Variants in INF2 observed in about 807,000 individuals in gnomAD.
The protein encoded by INF2 is inverted formin 2.
Under a neutral mutation model 123.5 loss-of-function variants are expected in INF2, and 43 were observed. The ratio of observed to expected loss-of-function variants is 0.35; its 90% CI spans 0.27 to 0.45. The LOEUF (loss-of-function observed/expected upper bound fraction) is 0.45. INF2 is among the 20% of genes least tolerant of loss of function. INF2 has a pLI of 1.00. For synonymous variants in INF2, 851 were observed against 745.0 expected, an observed-to-expected ratio of 1.14 and a Z score of -2.32; for missense variants, 1,453 against 1,682.7, an observed-to-expected ratio of 0.86 and a Z score of 2.39.
chr14:104,712,337 AG>A, intron 16 of INF2, 95 bp from the exon 17 acceptor site: 2 of 1,524,708 alleles, frequency 1.3e-6, no homozygotes, highest in Non-Finnish European at 1.8e-6. Flanking sequence ...CAGGGTGCAC[AG>A]TGGGGTGCCG....
rs140094707 is a variant in INF2, at chr14:104,704,131, C to T, written c.701+182C>T. ...AGGTCTCAGGCTAGAATCCAGCTCA[C>T]TGTCCCTGGCAGCTGCCCACAGAAA... On this transcript the variant is annotated intron_variant, in intron 5 of 22. Coordinates refer to ENST00000392634, the MANE Select transcript of INF2 (RefSeq NM_022489.4). 8.3e-4 allele frequency: 1,206 copies of T among 1,454,784 alleles called. 7 individuals are homozygous for T. The highest frequency in any genetic ancestry group is 4.8e-3 in the Middle Eastern group (19 of 3,970). 90.1% of individuals were successfully genotyped at this position (1,454,784 alleles called of 1,614,324 possible).
intron 22 of INF2, among the ~76,000 whole-genome samples, chr14:104,718,498 GACA>G (rs1890420402): frequency 6.6e-6 from 1 of 152,144 alleles, no homozygotes; most frequent in Admixed American, 6.5e-5. Flanking sequence ...CTGGGTCTCA[GACA>G]GGGGGTGGGG....
chr14:104,684,213 G>T lies in INF2; in HGVS notation c.-104+2631G>T. ...TCTGGACTCCCACCAGACAACTGAG[G>T]CAACCGAGAAGGAGGCTGGGGAGGG... On this transcript the variant is annotated intron_variant, in intron 1 of 2. Transcript: ENST00000674723. The surrounding 1 kb of genome is among the most constrained non-coding windows in gnomAD (Gnocchi z 5.0). The T allele has an allele frequency of 2.2e-6, 1 of 447,520 alleles. No individual in the cohort carries two copies. Among genetic ancestry groups the T allele is most frequent in the Non-Finnish European group, 4.5e-6 (1 of 220,958 alleles). The allele number at this position is 447,520 out of a possible 1,614,324, so 27.7% of individuals were successfully genotyped here. A position where few individuals can be genotyped will look rare whatever the true frequency, so the allele number is the denominator to read the frequency against.
chr14:104,715,896 AC>A (rs940215729), intron 22 of INF2: 42 of 456,074 alleles, frequency 9.2e-5, no homozygotes, highest in African/African-American at 8.0e-4. Flanking sequence ...GTACACTGCA[AC>A]CCCCCTCCTG....
chr14:104,715,614 G>A (rs1890264484), intron 22 of INF2: 1 of 595,678 alleles, frequency 1.7e-6, no homozygotes, highest in African/African-American at 1.9e-5. Context: ...AGGGCAGGTG[G>A]CAGGGCCAGC....
intron 1 of INF2, among the ~76,000 whole-genome samples, chr14:104,698,460 A>G (rs1040584971): frequency 1.3e-5 from 2 of 152,234 alleles, no homozygotes; most frequent in African/African-American, 4.8e-5. Context: ...TGGTTTTCTC[A>G]TATGGATAAT....
At chr14:104,716,086 G>A (rs911236342) in intron 22 of INF2, 6 of 397,818 alleles carry the variant, frequency 1.5e-5, no homozygotes, top group Non-Finnish European at 2.5e-5. Context: ...GGGTGGAGGA[G>A]GGGCTAGAGC....
intron 22 of INF2, among the ~76,000 whole-genome samples, 174 bp from the exon 23 acceptor site, chr14:104,718,621 A>C (rs1345199244): frequency 6.6e-6 from 1 of 152,280 alleles, no homozygotes; most frequent in Non-Finnish European, 1.5e-5. Flanking sequence ...CACCTAGATA[A>C]GTTGTGCTGC....
At chr14:104,697,597 G>A (rs1262726518) in intron 1 of INF2, among the ~76,000 whole-genome samples, 1 of 152,234 alleles carries the variant, frequency 6.6e-6, no homozygotes, top group African/African-American at 2.4e-5. Context: ...GGCTTCCCGA[G>A]AGTCAGTGCA....
chr14:104,701,497 G>C lies in INF2; in HGVS notation c.132G>C (p.Met44Ile). 1 of 1,604,826 alleles carries C rather than the reference G, an allele frequency of 6.2e-7. No homozygotes were observed. The highest frequency in any genetic ancestry group is 8.5e-7 in the Non-Finnish European group (1 of 1,176,232). The change falls in exon 2 of 23, where the codon ATG (methionine) becomes ATC (isoleucine). Residue 44 changes from methionine (M) to isoleucine (I), a missense_variant. By Grantham distance (10) the Met-to-Ile change is conservative. Around this residue, in one of 8 missense-constraint regions of INF2, gnomAD observed 6 missense variants for 25.1 expected, o/e 0.24. Transcript: ENST00000392634. Reference protein sequence around the residue: ...DPELCIRLLQMPSVVNYSGLR... With the variant: ...DPELCIRLLQIPSVVNYSGLR... ...AGCTGTGCATCCGGCTGCTCCAGATGCCCTCTGTGGTCAACTACTCCGGCC... is the reference window on the plus strand; with the variant it reads ...AGCTGTGCATCCGGCTGCTCCAGATCCCCTCTGTGGTCAACTACTCCGGCC...
chr14:104,718,991 T>C lies in INF2; in HGVS notation c.*198T>C, dbSNP rs1360782066. The C allele has an allele frequency of 7.7e-7, 1 of 1,305,878 alleles. No homozygotes were observed. Among genetic ancestry groups the C allele is most frequent in the Non-Finnish European group, 1.0e-6 (1 of 990,190 alleles). The allele number at this position is 1,305,878 out of a possible 1,614,324, so 80.9% of individuals were successfully genotyped here. On this transcript the variant is annotated 3_prime_UTR_variant, in exon 23 of 23. Transcript: ENST00000392634. ...GGGAACCCGACAGGCACCAGTGCCC[T>C]GCCAGGCCTGGTGCCCTCCTGGACC... is the stretch of plus-strand genomic sequence containing the variant.
upstream of INF2, among the ~76,000 whole-genome samples, chr14:104,688,498 T>G (rs1466243626): frequency 6.6e-6 from 1 of 152,206 alleles, no homozygotes; most frequent in Non-Finnish European, 1.5e-5. Flanking sequence ...CAGCAGGCCC[T>G]CCGGAGAGAG....
In INF2 at chr14:104,708,388, A is replaced by G. The variant is rs200316139; in HGVS notation, c.1736-48A>G. On this transcript the variant is annotated intron_variant, in intron 8 of 22. Coordinates refer to ENST00000392634, the MANE Select transcript of INF2 (RefSeq NM_022489.4). The stretch of plus-strand genomic sequence containing the variant: ...TCCAGCCCCTGCCTGCTGGATCGCC[A>G]GGCCCCGGGGCTGCGAGAGCCTCAC... 2.1e-4 allele frequency: 330 copies of G among 1,601,600 alleles called. 1 individual carries two copies. In the African/African-American group the frequency reaches 3.7e-3, roughly 18 times the overall value.
intron 1 of INF2, among the ~76,000 whole-genome samples, chr14:104,700,546 G>A (rs1288504068): frequency 6.6e-6 from 1 of 152,196 alleles, no homozygotes; most frequent in Admixed American, 6.5e-5. Context: ...TGGGGACAGC[G>A]GCTGGGGGGA....
At position 104,707,546 on chromosome 14, in the gene INF2, C is replaced by A. The variant is rs1208616690; in HGVS notation, c.1279C>A (p.Pro427Thr). ...QASTPPPPPP[P>T]PLLPGSSAEP... ...GTCCACCCCACCCCCACCCCCACCC[C>A]CACCCCTGCTCCCTGGTTCCAGTGC... Residue 427 changes from proline to threonine, a missense_variant, in exon 8 of 23, where the codon CCA becomes ACA. Around this residue, in one of 8 missense-constraint regions of INF2, gnomAD observed 374 missense variants for 303.7 expected, o/e 1.23. Transcript: ENST00000392634. The A allele has an allele frequency of 1.6e-5, 21 of 1,305,422 alleles. No individual in the cohort carries two copies. Among genetic ancestry groups the A allele is most frequent in the Non-Finnish European group, 2.1e-5 (21 of 994,112 alleles). 80.9% of individuals were successfully genotyped at this position (1,305,422 alleles called of 1,614,324 possible).
Position 104,720,155 on chromosome 14 carries a change from G to A in INF2, c.*1362G>A, listed in dbSNP as rs143824457. 1.8e-3 allele frequency: 277 copies of A among 154,784 alleles called. No individual in the cohort carries two copies. The highest frequency in any genetic ancestry group is 2.5e-3 in the Non-Finnish European group (175 of 69,746). The allele number at this position is 154,784 out of a possible 1,614,324, so 9.6% of individuals were successfully genotyped here. ...TCATGCATGTCTCCTGGCTTCCTTC[G>A]GCTGTTTTCACGCGCCATCCTCACG... On this transcript the variant is annotated 3_prime_UTR_variant, in exon 23 of 23. Coordinates refer to ENST00000392634, the MANE Select transcript of INF2 (RefSeq NM_022489.4).
rs779176784 is a variant in INF2, at chr14:104,714,467, C to T, written c.3305C>T (p.Pro1102Leu). 25 of 1,612,166 alleles carry T rather than the reference C, an allele frequency of 1.6e-5. No individual in the cohort carries two copies. The highest frequency in any genetic ancestry group is 1.3e-4 in the South Asian group (12 of 91,030). Residue 1102 changes from proline (P) to leucine (L), a missense_variant, in exon 21 of 23, where the codon CCG (proline) becomes CTG (leucine). Pro to Leu is a moderately conservative substitution (Grantham distance 98, BLOSUM62 -3). Coordinates refer to ENST00000392634, the MANE Select transcript of INF2 (RefSeq NM_022489.4). ...QCPQPLEGAWPVTLGDAQALK... is the reference protein window; with the variant it reads ...QCPQPLEGAWLVTLGDAQALK... ...CCCCAGCCCTTGGAGGGGGCCTGGC[C>T]GGTGACTCTGGGAGATGCTCAGGCC...
chr14:104,704,043 A>C (rs1889662437), intron 5 of INF2, 94 bp downstream of exon 5: 1 of 1,588,500 alleles, frequency 6.3e-7, no homozygotes, highest in African/African-American at 1.3e-5. Context: ...TCACCTAAGC[A>C]GCACCTCCAG....
intron 1 of INF2, among the ~76,000 whole-genome samples, chr14:104,692,765 G>A (rs1482398598): frequency 6.6e-6 from 1 of 152,262 alleles, no homozygotes; most frequent in Non-Finnish European, 1.5e-5. Flanking sequence ...CAGATGGGAT[G>A]ACTAGCGTGA....
Sources: gnomAD v4.1 joint callset for allele counts (sites outside exome capture counted in the v4.1 genomes callset) on GRCh38, gnomAD v4.1.1 for gene constraint, gnomAD v4.1.1 regional missense constraint, Gnocchi (gnomAD v3.1) non-coding constraint, MANE v1.5 for transcripts, NCBI Gene and HGNC (gene_info 2026-07-23, HGNC 2026-07-21) for gene names.